The following KIN variants were observed in gnomAD, a reference collection of about 807,000 sequenced individuals.
KIN encodes DNA/RNA-binding protein KIN17.
KIN carries 47 observed loss-of-function variants against 63.0 expected under a neutral mutation model. The ratio of observed to expected loss-of-function variants is 0.75; its 90% confidence interval spans 0.59 to 0.95. The LOEUF is 0.95. Ranked by LOEUF, KIN falls within the 40% of genes least tolerant of loss-of-function variation. KIN has a pLI of 0.00. For missense variants in KIN, 408 were observed against 460.9 expected (o/e 0.89, Z 1.05); for synonymous variants, 160 against 157.7 (o/e 1.01, Z -0.11).
At chr10:7,768,743 C>A (rs1835604202) in intron 8 of KIN, among the ~76,000 whole-genome samples, 1 of 152,092 alleles carries the variant, frequency 6.6e-6, no homozygotes, top group South Asian at 2.1e-4. Context: ...TTAGGTGGGG[C>A]ATGGTGGCTC....
At chr10:7,770,079 C>A (rs753135288) in intron 7 of KIN, among the ~76,000 whole-genome samples, 33 of 152,122 alleles carry the variant, frequency 2.2e-4, no homozygotes, top group South Asian at 8.3e-4. Flanking sequence ...TACAGGCAGC[C>A]ACCACCACGC....
Position 7,769,240 on chromosome 10 carries a change from T to A in KIN, c.774A>T (p.Lys258Asn). 6.2e-7 allele frequency: 1 copy of A among 1,612,936 alleles called. No homozygotes were observed. The highest frequency in any genetic ancestry group is 1.1e-5 in the South Asian group (1 of 90,934). The change falls in exon 8 of 13, where the codon AAA becomes AAT. Residue 258 changes from lysine (K) to asparagine (N), a missense_variant. Physicochemically the swap from Lys to Asn is moderately conservative, Grantham distance 94. This residue lies in a region of KIN where 298 missense variants were observed against 296.0 expected (regional missense o/e 1.01). Coordinates refer to ENST00000379562, the MANE Select transcript of KIN (RefSeq NM_012311.4). ...CCTCCATGATTTCATCCAGTGCAGA[T>A]TTCTTTTTCTTCTTTTCTTTAGACT... ...STQSKEKKKK[K>N]SALDEIMEIE...
intron 2 of KIN, among the ~76,000 whole-genome samples, chr10:7,781,819 G>A (rs1835902560): frequency 6.6e-6 from 1 of 151,800 alleles, no homozygotes; most frequent in African/African-American, 2.4e-5. Flanking sequence ...CACTTTGGGA[G>A]GGTGAGGTGG....
At chr10:7,764,994 T>C (rs1434938981) in intron 9 of KIN, among the ~76,000 whole-genome samples, 1 of 151,952 alleles carries the variant, frequency 6.6e-6, no homozygotes, top group Non-Finnish European at 1.5e-5. Context: ...ACCCCGTCTC[T>C]ACTAAAAATA....
chr10:7,776,783 C>A (rs1405088760), intron 5 of KIN, among the ~76,000 whole-genome samples: 1 of 149,292 alleles, frequency 6.7e-6, no homozygotes, highest in Non-Finnish European at 1.5e-5. Context: ...GGCATGGTGG[C>A]TCATGCCTAT....
At chr10:7,764,567 G>A (rs955798320) in intron 9 of KIN, among the ~76,000 whole-genome samples, 7 of 152,154 alleles carry the variant, frequency 4.6e-5, no homozygotes, top group Non-Finnish European at 5.9e-5. Context: ...GCTTAAAATC[G>A]TACTAACAAA....
At chr10:7,768,537 C>T (rs1023639097) in intron 8 of KIN, among the ~76,000 whole-genome samples, 8 of 130,846 alleles carry the variant, frequency 6.1e-5, no homozygotes, top group African/African-American at 1.8e-4. Flanking sequence ...ACAAAAACAG[C>T]AACCAAAAAA....
chr10:7,762,219 G>GAA (rs201671529), intron 11 of KIN, among the ~76,000 whole-genome samples: 1 of 135,312 alleles, frequency 7.4e-6, no homozygotes. Flanking sequence ...TTTGCTTCAG[G>GAA]AAAAAAAAAA....
chr10:7,779,115 C>T, intron 4 of KIN, 96 bp from the exon 5 acceptor site: 2 of 1,439,504 alleles, frequency 1.4e-6, no homozygotes, highest in Non-Finnish European at 1.9e-6. Context: ...CATTCAAACA[C>T]ACACAAATCA....
At chr10:7,783,212 G>T in intron 1 of KIN, 37 bp from the exon 2 acceptor site, 3 of 1,270,836 alleles carry the variant, frequency 2.4e-6, no homozygotes, top group Non-Finnish European at 3.3e-6. Context: ...TCTGATTTAG[G>T]TCATCAAAAT....
At chr10:7,771,882 C>A (rs1306332706) in intron 7 of KIN, among the ~76,000 whole-genome samples, 1 of 130,838 alleles carries the variant, frequency 7.6e-6, no homozygotes. Context: ...GCAACAAGAG[C>A]GAAATTCCGT....
At chr10:7,779,675 G>A (rs76393493) in intron 4 of KIN, among the ~76,000 whole-genome samples, 20,520 of 151,986 alleles carry the variant, frequency 0.14, 1,568 homozygotes, top group East Asian at 0.29. Context: ...AAGAAATCTC[G>A]AGATGATTTA....
At chr10:7,766,489 G>C (rs1835545945) in intron 8 of KIN, 1 of 158,204 alleles carries the variant, frequency 6.3e-6, no homozygotes, top group Non-Finnish European at 1.4e-5. Flanking sequence ...AGCACAGTGT[G>C]GTTAAGTATA....
intron 12 of KIN, among the ~76,000 whole-genome samples, chr10:7,757,534 ATAAAAT>A (rs1835355213): frequency 6.7e-6 from 1 of 148,964 alleles, no homozygotes; most frequent in African/African-American, 2.5e-5. Flanking sequence ...ATTAAATTAA[ATAAAAT>A]TAAAATTAAA....
Position 7,769,357 on chromosome 10 carries a change from G to C in KIN, c.669-12C>G, listed in dbSNP as rs1357190605. Reference sequence around the variant, plus strand: ...TCGGTCCCAGAGTACTGATGAACAGGAGAACCATGCTTGTTACCAAGAACC... The same window carrying C: ...TCGGTCCCAGAGTACTGATGAACAGCAGAACCATGCTTGTTACCAAGAACC... On this transcript the variant is annotated splice_polypyrimidine_tract_variant and intron_variant, in intron 7 of 12. Transcript: ENST00000379562. 3 of 1,606,268 alleles carry C rather than the reference G, an allele frequency of 1.9e-6. No homozygotes were observed. The African/African-American group carries it at 4.0e-5, about 22-fold the overall frequency.
At chr10:7,782,050 C>T (rs898363151) in intron 2 of KIN, among the ~76,000 whole-genome samples, 2 of 152,118 alleles carry the variant, frequency 1.3e-5, no homozygotes, top group Non-Finnish European at 2.9e-5. Context: ...AAGAGCGAAA[C>T]TCCCGTCTCA....
chr10:7,785,265 A>G (rs1835977751), intron 1 of KIN, among the ~76,000 whole-genome samples: 2 of 151,906 alleles, frequency 1.3e-5, no homozygotes, highest in African/African-American at 4.8e-5. Context: ...AAAAAAAAAA[A>G]AAATCATATT....
chr10:7,761,943 G>A (rs1478053845), intron 11 of KIN, among the ~76,000 whole-genome samples: 2 of 152,156 alleles, frequency 1.3e-5, no homozygotes, highest in African/African-American at 2.4e-5. Context: ...GGAGGTTGCA[G>A]TAAGTCAAGA....
intron 1 of KIN, 72 bp downstream of exon 1, chr10:7,787,748 C>G: frequency 8.1e-7 from 1 of 1,237,748 alleles, no homozygotes; most frequent in South Asian, 1.2e-5. Flanking sequence ...GCCCTCAGCC[C>G]CGCGTCCAGG....
Sources: gnomAD v4.1 joint callset for allele counts (sites outside exome capture counted in the v4.1 genomes callset) on GRCh38, gnomAD v4.1.1 for gene constraint, gnomAD v4.1.1 regional missense constraint, MANE v1.5 for transcripts, NCBI Gene and HGNC (gene_info 2026-07-23, HGNC 2026-07-21) for gene names.